Variants in CHGB observed in about 807,000 individuals in gnomAD.
The protein encoded by CHGB is chromogranin B, also known as secretogranin-1.
A neutral mutation model predicts 69.9 loss-of-function variants in CHGB; 46 were observed. That is an observed-to-expected ratio of 0.66 (90% CI 0.52 to 0.84). The LOEUF is 0.84. CHGB is among the 40% of genes least tolerant of loss of function. The pLI is 0.00. For synonymous variants in CHGB, 312 were observed against 298.2 expected (o/e 1.05, Z -0.48); for missense variants, 796 against 822.2 (o/e 0.97, Z 0.39).
intron 3 of CHGB, among the ~76,000 whole-genome samples, chr20:5,920,950 AT>A (rs1568551270): frequency 1.3e-5 from 2 of 152,292 alleles, no homozygotes; most frequent in South Asian, 2.1e-4. Flanking sequence ...AAAATAAATA[AT>A]TTTTTTCCAT....
chr20:5,922,657 G>T lies in CHGB; in HGVS notation c.513G>T (p.Glu171Asp), dbSNP rs569243871. The change falls in exon 4 of 5, where the codon GAG (glutamate) becomes GAT (aspartate). Residue 171 changes from glutamate (E) to aspartate (D), a missense_variant. Around this residue, in one of 3 missense-constraint regions of CHGB, gnomAD observed 518 missense variants for 506.3 expected, o/e 1.02. Transcript: ENST00000378961. Reference protein sequence around the residue: ...QREDEEEEEGENYQKGERGED... With the variant: ...QREDEEEEEGDNYQKGERGED... Reference sequence around the variant, plus strand: ...AGGATGAGGAGGAGGAGGAGGGAGAGAACTATCAAAAAGGGGAGCGAGGGG... The same window carrying T: ...AGGATGAGGAGGAGGAGGAGGGAGATAACTATCAAAAAGGGGAGCGAGGGG... 1.9e-6 allele frequency: 3 copies of T among 1,613,906 alleles called. No individual in the cohort carries two copies. The highest frequency in any genetic ancestry group is 2.2e-5 in the South Asian group (2 of 91,068).
At position 5,922,733 on chromosome 20, in the gene CHGB, G is replaced by C. The variant is rs140646779; in HGVS notation, c.589G>C (p.Ala197Pro). ...TGAAGAGCCAGGAGAGACACAAAAC[G>C]CTTTTCTCAATGAAAGAAAGCAGGC... ...HLEEPGETQN[A>P]FLNERKQASA... Residue 197 changes from alanine (A) to proline (P), a missense_variant, in exon 4 of 5, where the codon GCT (alanine) becomes CCT (proline). By Grantham distance (27) the Ala-to-Pro change is conservative (BLOSUM62 -1). Transcript: ENST00000378961. 1.2e-6 allele frequency: 2 copies of C among 1,614,138 alleles called. No individual in the cohort carries two copies. The highest frequency in any genetic ancestry group is 1.7e-6 in the Non-Finnish European group (2 of 1,180,016).
rs753606170 is a variant in CHGB, at chr20:5,922,636, T to TGAGGAG, written c.503_508dup (p.Glu168_Glu169dup). Reference sequence around the variant, plus strand: ...ATTCTGAGAAGAGCCAGAGAGAGGATGAGGAGGAGGAGGAGGGAGAGAACT... The same window carrying TGAGGAG: ...ATTCTGAGAAGAGCCAGAGAGAGGATGAGGAGGAGGAGGAGGAGGAGGGAGAGAACT... On this transcript the variant is annotated inframe_insertion, in exon 4 of 5. Transcript: ENST00000378961. The TGAGGAG allele has an allele frequency of 2.5e-6, 4 of 1,612,532 alleles. No homozygotes were observed. The highest frequency in any genetic ancestry group is 3.4e-6 in the Non-Finnish European group (4 of 1,179,562).
At chr20:5,919,832 C>G (rs1160548984) in intron 3 of CHGB, among the ~76,000 whole-genome samples, 1 of 152,226 alleles carries the variant, frequency 6.6e-6, no homozygotes, top group Non-Finnish European at 1.5e-5. Flanking sequence ...ACGCCCATCT[C>G]CACTCCCACT....
chr20:5,913,398 G>A (rs1374347514), intron 1 of CHGB, among the ~76,000 whole-genome samples: 1 of 152,090 alleles, frequency 6.6e-6, no homozygotes, highest in African/African-American at 2.4e-5. Flanking sequence ...AATGAGACAT[G>A]TTAGACTTCA....
intron 1 of CHGB, among the ~76,000 whole-genome samples, chr20:5,912,917 C>T (rs572582426): frequency 6.6e-6 from 1 of 152,164 alleles, no homozygotes; most frequent in Non-Finnish European, 1.5e-5. Context: ...AAGCTATATA[C>T]ATTCAGAATT....
chr20:5,924,193 G>T lies in CHGB; in HGVS notation c.1956+93G>T. 8 of 1,445,056 alleles carry T rather than the reference G, an allele frequency of 5.5e-6. No homozygotes were observed. The South Asian group carries it at 1.2e-4, about 22-fold the overall frequency. The allele number at this position is 1,445,056 out of a possible 1,614,324, so 89.5% of individuals were successfully genotyped here. A position where few individuals can be genotyped will look rare whatever the true frequency, so the allele number is the denominator to read the frequency against. On this transcript the variant is annotated intron_variant, in intron 4 of 4. Transcript: ENST00000378961. ...ATCCGATATTCACGGGGAGAAATTG[G>T]TGGGAATTAATCACTATGAAAATGG...
intron 3 of CHGB, among the ~76,000 whole-genome samples, chr20:5,918,706 GGAGGCT>G (rs1308002034): frequency 6.7e-6 from 1 of 149,608 alleles, no homozygotes; most frequent in Non-Finnish European, 1.5e-5. Context: ...CAGCTACTCA[GGAGGCT>G]GAGGCAGGAG....
chr20:5,911,545 G>A lies in CHGB; in HGVS notation c.-89G>A. On this transcript the variant is annotated 5_prime_UTR_variant, in exon 1 of 5. Coordinates refer to ENST00000378961, the MANE Select transcript of CHGB (RefSeq NM_001819.3). Reference sequence around the variant, plus strand: ...GACCAGGAGGCACGCTGGTTTTCCGGGGCCGCTCCATCGCGCCTTCCTCCT... The same window carrying A: ...GACCAGGAGGCACGCTGGTTTTCCGAGGCCGCTCCATCGCGCCTTCCTCCT... 7.2e-7 allele frequency: 1 copy of A among 1,390,682 alleles called. No homozygotes were observed. The highest frequency in any genetic ancestry group is 2.0e-5 in the Admixed American group (1 of 48,890). The allele number at this position is 1,390,682 out of a possible 1,614,324, so 86.1% of individuals were successfully genotyped here.
chr20:5,915,868 C>T (rs930593269), intron 1 of CHGB: 3 of 152,912 alleles, frequency 2.0e-5, no homozygotes, highest in Non-Finnish European at 4.4e-5. Flanking sequence ...CGCGTGCCAC[C>T]ACGCCTGGCT....
At chr20:5,916,260 C>A in intron 1 of CHGB, 66 bp from the exon 2 acceptor site, 3 of 1,241,682 alleles carry the variant, frequency 2.4e-6, no homozygotes, top group South Asian at 1.3e-5. Context: ...GTGATTTTGT[C>A]AGTTGGGGTC....
intron 3 of CHGB, 58 bp downstream of exon 3, chr20:5,916,977 C>A: frequency 6.9e-7 from 1 of 1,439,000 alleles, no homozygotes; most frequent in Non-Finnish European, 9.8e-7. Flanking sequence ...TGTTCCTACT[C>A]CCTCCACATC....
chr20:5,925,141 G>T lies in CHGB; in HGVS notation c.*92G>T. 1 of 757,502 alleles carries T rather than the reference G, an allele frequency of 1.3e-6. No homozygotes were observed. Among genetic ancestry groups the T allele is most frequent in the Non-Finnish European group, 2.2e-6 (1 of 451,622 alleles). 46.9% of individuals were successfully genotyped at this position (757,502 alleles called of 1,614,324 possible). A position where few individuals can be genotyped will look rare whatever the true frequency, so the allele number is the denominator to read the frequency against. On this transcript the variant is annotated 3_prime_UTR_variant, in exon 5 of 5. Coordinates refer to ENST00000378961, the MANE Select transcript of CHGB (RefSeq NM_001819.3). ...TGAAAGACACCATTTATCTACCCAA[G>T]GGCAGAAAGTAGAACTTACTATTCA...
chr20:5,922,187 A>G, intron 3 of CHGB, 148 bp from the exon 4 acceptor site: 3 of 1,131,036 alleles, frequency 2.7e-6, no homozygotes, highest in Non-Finnish European at 3.5e-6. Context: ...ATTTACTTTC[A>G]AAAGGAATCT....
At chr20:5,914,324 GT>G (rs968618074) in intron 1 of CHGB, among the ~76,000 whole-genome samples, 5 of 151,410 alleles carry the variant, frequency 3.3e-5, no homozygotes, top group East Asian at 1.9e-4. Context: ...GCAGACCCTA[GT>G]TTTTTTTTCC....
At position 5,923,484 on chromosome 20, in the gene CHGB, G is replaced by A. The variant is rs764003023; in HGVS notation, c.1340G>A (p.Arg447His). Residue 447 changes from arginine (R) to histidine (H), a missense_variant, in exon 4 of 5, where the codon CGT becomes CAT. This residue lies in a region of CHGB where 274 missense variants were observed against 298.9 expected (regional missense o/e 0.92). Coordinates refer to ENST00000378961, the MANE Select transcript of CHGB (RefSeq NM_001819.3). ...AGGTTCTTGGGTGAAGGACACCACCGTGTCCAAGAAAACCAGATGGACAAG... is the reference window on the plus strand; with the variant it reads ...AGGTTCTTGGGTGAAGGACACCACCATGTCCAAGAAAACCAGATGGACAAG... ...EKRFLGEGHH[R>H]VQENQMDKAR... 70 of 1,614,020 alleles carry A rather than the reference G, an allele frequency of 4.3e-5. 1 individual carries two copies. The highest frequency in any genetic ancestry group is 2.6e-4 in the South Asian group (24 of 91,078).
Position 5,923,515 on chromosome 20 carries a change from G to A in CHGB, c.1371G>A (p.Arg457=). The change falls in exon 4 of 5, where the codon AGG becomes AGA. Residue 457 remains arginine (R), a synonymous_variant. Transcript: ENST00000378961. ...AAGAAAACCAGATGGACAAGGCAAG[G>A]AGGCATCCACAAGGTGCGTGGAAAG... is the stretch of plus-strand genomic sequence containing the variant. The part of the protein sequence containing the change: ...RVQENQMDKA[R]RHPQGAWKEL... 6.2e-7 allele frequency: 1 copy of A among 1,614,162 alleles called. No individual in the cohort carries two copies. Among genetic ancestry groups the A allele is most frequent in the Non-Finnish European group, 8.5e-7 (1 of 1,180,028 alleles).
intron 3 of CHGB, among the ~76,000 whole-genome samples, chr20:5,918,998 T>A (rs1282562565): frequency 2.6e-5 from 4 of 152,080 alleles, no homozygotes; most frequent in Non-Finnish European, 4.4e-5. Context: ...CCAACTTCTT[T>A]TTTCCAGCAG....
chr20:5,923,530 T>A lies in CHGB; in HGVS notation c.1386T>A (p.Gly462=), dbSNP rs1222714146. The A allele has an allele frequency of 6.2e-7, 1 of 1,613,982 alleles. No homozygotes were observed. Among genetic ancestry groups the A allele is most frequent in the Admixed American group, 1.7e-5 (1 of 60,012 alleles). The change falls in exon 4 of 5, where the codon GGT becomes GGA. Residue 462 remains glycine, a synonymous_variant. Coordinates refer to ENST00000378961, the MANE Select transcript of CHGB (RefSeq NM_001819.3). ...QMDKARRHPQ[G]AWKELDRNYL... ...ACAAGGCAAGGAGGCATCCACAAGGTGCGTGGAAAGAGCTGGACAGAAATT... is the reference window on the plus strand; with the variant it reads ...ACAAGGCAAGGAGGCATCCACAAGGAGCGTGGAAAGAGCTGGACAGAAATT...
Sources: gnomAD v4.1 joint callset for allele counts (sites outside exome capture counted in the v4.1 genomes callset) on GRCh38, gnomAD v4.1.1 for gene constraint, gnomAD v4.1.1 regional missense constraint, MANE v1.5 for transcripts, NCBI Gene and HGNC (gene_info 2026-07-23, HGNC 2026-07-21) for gene names.